Variants in CLVS1 observed in about 807,000 individuals in gnomAD.
CLVS1 encodes the protein clavesin 1.
A neutral mutation model predicts 33.1 loss-of-function variants in CLVS1; 10 were observed. That is an observed-to-expected ratio of 0.30 (90% CI 0.19 to 0.51). CLVS1 has a LOEUF of 0.51. Among genes scored for constraint, CLVS1 ranks in the 20% least tolerant of loss-of-function variants. The probability of loss-of-function intolerance (pLI) is 0.97; values close to 1 mark genes in which losing one functional copy is unlikely to be tolerated. For synonymous variants in CLVS1, 163 were observed against 166.1 expected, an observed-to-expected ratio of 0.98 and a Z score of 0.14; for missense variants, 343 against 433.4, an observed-to-expected ratio of 0.79 and a Z score of 1.85.
intron 2 of CLVS1, among the ~76,000 whole-genome samples, chr8:61,304,785 T>C (rs1209830422): frequency 6.6e-6 from 1 of 152,200 alleles, no homozygotes; most frequent in East Asian, 1.9e-4. Flanking sequence ...ACACATCGGT[T>C]TTTTTTCTGG....
intron 2 of CLVS1, among the ~76,000 whole-genome samples, chr8:61,187,848 C>T (rs1014620188): frequency 6.7e-6 from 1 of 149,494 alleles, no homozygotes; most frequent in Non-Finnish European, 1.5e-5. Context: ...CATGTACACA[C>T]ATATATGTAA....
At chr8:61,425,001 T>C (rs1333975069) in intron 3 of CLVS1, among the ~76,000 whole-genome samples, 1 of 152,206 alleles carries the variant, frequency 6.6e-6, no homozygotes, top group East Asian at 1.9e-4. Context: ...GATTTCCAGA[T>C]TAGGAATGCT....
the CLVS1 span, among the ~76,000 whole-genome samples, chr8:60,986,404 G>A: frequency 6.6e-6 from 1 of 152,216 alleles, no homozygotes; most frequent in Non-Finnish European, 1.5e-5. Flanking sequence ...AACCAGCCAT[G>A]AACAGCCAGG....
intron 2 of CLVS1, among the ~76,000 whole-genome samples, chr8:61,371,608 TC>T (rs1813442304): frequency 6.6e-6 from 1 of 152,236 alleles, no homozygotes; most frequent in Non-Finnish European, 1.5e-5. Context: ...GCCTTATTTT[TC>T]TTATGAGTCT....
At chr8:61,347,313 C>A (rs565545132) in intron 2 of CLVS1, among the ~76,000 whole-genome samples, 1 of 152,124 alleles carries the variant, frequency 6.6e-6, no homozygotes, top group South Asian at 2.1e-4. Context: ...ACGCTACTTC[C>A]TGCAGAGATG....
chr8:61,156,184 C>A (rs899466055), intron 2 of CLVS1, among the ~76,000 whole-genome samples: 9 of 131,846 alleles, frequency 6.8e-5, no homozygotes, highest in Middle Eastern at 6.1e-3. Flanking sequence ...ATTGCATTTC[C>A]AGCCTGGGCT....
At chr8:61,022,558 C>T in the CLVS1 span, among the ~76,000 whole-genome samples, 2 of 152,200 alleles carry the variant, frequency 1.3e-5, no homozygotes, top group African/African-American at 4.8e-5. Flanking sequence ...TTAGTGATGT[C>T]TGACTTCCTC....
At chr8:61,007,980 G>C in the CLVS1 span, among the ~76,000 whole-genome samples, 1 of 152,332 alleles carries the variant, frequency 6.6e-6, no homozygotes, top group South Asian at 2.1e-4. Context: ...GACGGGATGG[G>C]ATGGGGCAGG....
chr8:61,321,591 C>T (rs992327916), intron 2 of CLVS1, among the ~76,000 whole-genome samples: 1 of 152,048 alleles, frequency 6.6e-6, no homozygotes, highest in Non-Finnish European at 1.5e-5. Context: ...CAACATTTCC[C>T]ATATTGCTTC....
chr8:61,190,411 AGAG>A (rs995163667), intron 2 of CLVS1, among the ~76,000 whole-genome samples: 1 of 152,228 alleles, frequency 6.6e-6, no homozygotes, highest in Non-Finnish European at 1.5e-5. Context: ...AATGCCCACA[AGAG>A]AAAGCACAAA....
chr8:60,968,284 G>T, the CLVS1 span, among the ~76,000 whole-genome samples: 4 of 152,258 alleles, frequency 2.6e-5, no homozygotes, highest in Admixed American at 6.5e-5. Context: ...CCGAGGCCGA[G>T]GCCGGCGGAT....
At position 61,214,644 on chromosome 8, in the gene CLVS1, A is replaced by G. The variant is rs1808047030; in HGVS notation, c.-152+82784A>G. Among the ~76,000 whole-genome samples, 3 of 152,146 alleles carry G rather than the reference A, an allele frequency of 2.0e-5. No homozygotes were observed. The South Asian group carries it at 6.2e-4, about 32-fold the overall frequency. ...CTTACCTCCAGAACTGTGAGAAAAT[A>G]ATTTTTCTTGCTTAAGCTGCCCAGT... On this transcript the variant is annotated intron_variant, in intron 2 of 2. Coordinates refer to the CLVS1 transcript ENST00000522621.
At chr8:61,120,864 AG>A (rs1394744494) in intron 1 of CLVS1, among the ~76,000 whole-genome samples, 1 of 147,686 alleles carries the variant, frequency 6.8e-6, no homozygotes, top group Admixed American at 6.6e-5. Flanking sequence ...GAGCCTACAG[AG>A]GCAGGCAGGC....
chr8:61,223,437 A>T (rs1259146986), intron 2 of CLVS1, among the ~76,000 whole-genome samples: 1 of 152,158 alleles, frequency 6.6e-6, no homozygotes, highest in Non-Finnish European at 1.5e-5. Flanking sequence ...TCACTTATGA[A>T]GCCTAGTTTC....
At chr8:61,385,669 G>A (rs1293781006) in intron 3 of CLVS1, among the ~76,000 whole-genome samples, 1 of 152,174 alleles carries the variant, frequency 6.6e-6, no homozygotes, top group Non-Finnish European at 1.5e-5. Context: ...ACTTTTTTCT[G>A]TCCATCTCTC....
chr8:61,068,992 G>A (rs1804736979), intron 1 of CLVS1, among the ~76,000 whole-genome samples: 2 of 151,936 alleles, frequency 1.3e-5, no homozygotes, highest in South Asian at 4.1e-4. Context: ...TTTAGATGGA[G>A]TTTCATTCTT....
At position 61,251,344 on chromosome 8, in the gene CLVS1, T is replaced by C. The variant is rs192207434; in HGVS notation, c.-151-48333T>C. Among the ~76,000 whole-genome samples, 14 of 152,352 alleles carry C rather than the reference T, an allele frequency of 9.2e-5. No individual in the cohort carries two copies. The East Asian group carries it at 2.7e-3, about 29-fold the overall frequency. ...ATTTTATTGAGGATTTTCGCATCTA[T>C]GTTCATCAGGGATATTGGCGTGAAA... On this transcript the variant is annotated intron_variant, in intron 2 of 2. Coordinates refer to the CLVS1 transcript ENST00000522621.
At chr8:61,122,858 A>G (rs1805903146) in intron 1 of CLVS1, among the ~76,000 whole-genome samples, 1 of 146,028 alleles carries the variant, frequency 6.8e-6, no homozygotes, top group Non-Finnish European at 1.5e-5. Context: ...GACGGCTTCA[A>G]GTACAGAAAA....
chr8:61,394,109 G>A (rs1222773719), intron 3 of CLVS1, among the ~76,000 whole-genome samples: 1 of 152,234 alleles, frequency 6.6e-6, no homozygotes. Context: ...CACTTTGGGT[G>A]GCCGAGGCAG....
Sources: gnomAD v4.1 joint callset for allele counts (sites outside exome capture counted in the v4.1 genomes callset) on GRCh38, gnomAD v4.1.1 for gene constraint, MANE v1.5 for transcripts, NCBI Gene and HGNC (gene_info 2026-07-23, HGNC 2026-07-21) for gene names.